Variants in CHN2 observed in about 807,000 individuals in gnomAD.
CHN2 encodes beta-chimaerin.
A neutral mutation model predicts 56.3 loss-of-function variants in CHN2; 35 were observed. The observed-to-expected ratio is 0.62, with a 90% CI of 0.47 to 0.82. CHN2 has a LOEUF of 0.82. Among genes scored for constraint, CHN2 ranks in the 40% least tolerant of loss-of-function variants. The probability of loss-of-function intolerance (pLI) is 0.00; values close to 1 mark genes in which losing one functional copy is unlikely to be tolerated. For missense variants in CHN2, 491 were observed against 580.5 expected, an observed-to-expected ratio of 0.85 and a Z score of 1.58; for synonymous variants, 210 against 212.8, an observed-to-expected ratio of 0.99 and a Z score of 0.12.
At chr7:29,428,887 C>G (rs969559467) in intron 6 of CHN2, among the ~76,000 whole-genome samples, 1 of 152,086 alleles carries the variant, frequency 6.6e-6, no homozygotes, top group Non-Finnish European at 1.5e-5. Context: ...GGTTCTGAGA[C>G]CAGAGTTGAA....
intron 1 of CHN2, among the ~76,000 whole-genome samples, chr7:29,329,060 A>G (rs975764538): frequency 2.0e-5 from 3 of 152,138 alleles, no homozygotes; most frequent in Non-Finnish European, 4.4e-5. Context: ...GCAGTTTCAC[A>G]ACTGTCTGGG....
intron 1 of CHN2, chr7:29,334,571 A>G (rs1347824770): frequency 1.3e-5 from 2 of 152,254 alleles, no homozygotes; most frequent in African/African-American, 2.4e-5. Flanking sequence ...CCTGGGCAAC[A>G]TGGTAAGACC....
chr7:29,341,517 C>A (rs1306163566), intron 1 of CHN2, among the ~76,000 whole-genome samples: 1 of 151,448 alleles, frequency 6.6e-6, no homozygotes, highest in African/African-American at 2.4e-5. Context: ...ACAATGAAAT[C>A]TGGGGAAGAG....
rs375120538 is a variant in CHN2, at chr7:29,482,797, C to CTTTTTTTTTTTTTTTTTTTTTTTT, written c.654+2460_654+2483dup. On this transcript the variant is annotated intron_variant, in intron 7 of 12. Transcript: ENST00000222792. Reference sequence around the variant, plus strand: ...TGCTAGGTGCTGTCTGCACTTTTTTCTTTTTTTTTTTTTTTTTTTTTTTTT... The same window carrying CTTTTTTTTTTTTTTTTTTTTTTTT: ...TGCTAGGTGCTGTCTGCACTTTTTTCTTTTTTTTTTTTTTTTTTTTTTTTTTTTTTTTTTTTTTTTTTTTTTTTT... 6.2e-5 allele frequency among the ~76,000 whole-genome samples: 4 copies of CTTTTTTTTTTTTTTTTTTTTTTTT among 64,206 alleles called. 1 individual carries two copies. The highest frequency in any genetic ancestry group is 4.6e-4 in the Admixed American group (2 of 4,316). The allele number at this position is 64,206 out of a possible 152,430, so 42.1% of individuals were successfully genotyped here. A position where few individuals can be genotyped will look rare whatever the true frequency, so the allele number is the denominator to read the frequency against.
chr7:29,359,588 T>A (rs1798574150), intron 2 of CHN2, among the ~76,000 whole-genome samples: 1 of 152,202 alleles, frequency 6.6e-6, no homozygotes. Context: ...CATGGCTTAC[T>A]GAGCTGTTTC....
At chr7:29,199,539 A>G (rs1262010693) in intron 1 of CHN2, 1 of 152,214 alleles carries the variant, frequency 6.6e-6, no homozygotes, top group Non-Finnish European at 1.5e-5. Flanking sequence ...ACAAATTGTG[A>G]TTTAAAATAT....
At chr7:29,275,062 G>C (rs552520706) in intron 1 of CHN2, among the ~76,000 whole-genome samples, 66 of 152,286 alleles carry the variant, frequency 4.3e-4, no homozygotes, top group Non-Finnish European at 5.3e-4. Flanking sequence ...TAGAAAGCCA[G>C]CATTCTCTCT....
At chr7:29,288,076 TTAAAA>T (rs1792300863) in intron 1 of CHN2, among the ~76,000 whole-genome samples, 1 of 152,032 alleles carries the variant, frequency 6.6e-6, no homozygotes, top group African/African-American at 2.4e-5. Flanking sequence ...CTATGAAAAA[TTAAAA>T]TAAATATATT....
Position 29,374,391 on chromosome 7 carries a change from C to CT in CHN2, c.144+6413dup, listed in dbSNP as rs757437529. On this transcript the variant is annotated intron_variant, in intron 3 of 12. Transcript: ENST00000222792. Reference sequence around the variant, plus strand: ...TAAAGATAGAACCAAATGTTTTCTGCTTTTTTTTTAAAAACAAAAAACTTT... The same window carrying CT: ...TAAAGATAGAACCAAATGTTTTCTGCTTTTTTTTTTAAAAACAAAAAACTTT... 7.3e-4 allele frequency among the ~76,000 whole-genome samples: 111 copies of CT among 151,278 alleles called. 3 individuals carry two copies. The South Asian group carries it at 9.7e-3, about 13-fold the overall frequency.
chr7:29,420,858 G>A (rs564422386), intron 6 of CHN2, among the ~76,000 whole-genome samples: 1 of 148,724 alleles, frequency 6.7e-6, no homozygotes, highest in East Asian at 2.0e-4. Flanking sequence ...TGCCCAGGCT[G>A]GGGTACAGTG....
intron 2 of CHN2, among the ~76,000 whole-genome samples, chr7:29,159,266 C>T (rs1794850884): frequency 6.6e-6 from 1 of 152,146 alleles, no homozygotes; most frequent in Non-Finnish European, 1.5e-5. Flanking sequence ...AAACTGAGCA[C>T]AGAAGAGGTC....
At chr7:29,288,470 G>T (rs1394841361) in intron 1 of CHN2, among the ~76,000 whole-genome samples, 2 of 152,226 alleles carry the variant, frequency 1.3e-5, no homozygotes, top group East Asian at 3.9e-4. Context: ...ATATTTTAGG[G>T]TTACTCCCAT....
intron 1 of CHN2, among the ~76,000 whole-genome samples, chr7:29,326,445 T>C (rs1002347171): frequency 9.2e-5 from 14 of 152,186 alleles, no homozygotes; most frequent in African/African-American, 3.4e-4. Context: ...TGTCAGCCAC[T>C]GCGCCTGGCC....
chr7:29,234,725 G>A (rs533105585), intron 1 of CHN2, among the ~76,000 whole-genome samples: 26 of 152,186 alleles, frequency 1.7e-4, no homozygotes, highest in East Asian at 1.2e-3. Context: ...GTCATGTCCC[G>A]TCACATGAGC....
intron 6 of CHN2, among the ~76,000 whole-genome samples, chr7:29,448,183 A>G (rs1047336862): frequency 6.6e-6 from 1 of 151,930 alleles, no homozygotes; most frequent in African/African-American, 2.4e-5. Flanking sequence ...TAGTCTTTCC[A>G]CTTATAGGTA....
At chr7:29,468,735 A>G (rs563258194) in intron 6 of CHN2, among the ~76,000 whole-genome samples, 1 of 152,178 alleles carries the variant, frequency 6.6e-6, no homozygotes, top group East Asian at 1.9e-4. Context: ...CAAGATGATC[A>G]CTTACTTTCA....
At chr7:29,406,007 A>G (rs1250254341) in intron 6 of CHN2, among the ~76,000 whole-genome samples, 1 of 152,120 alleles carries the variant, frequency 6.6e-6, no homozygotes, top group Non-Finnish European at 1.5e-5. Context: ...GCCTGTCCCG[A>G]GTGGTTCTCC....
intron 1 of CHN2, among the ~76,000 whole-genome samples, chr7:29,276,038 T>TC (rs1791178312): frequency 6.8e-6 from 1 of 146,348 alleles, no homozygotes; most frequent in Admixed American, 7.2e-5. Context: ...CTGCACATGT[T>TC]CCCCCGAATC....
At chr7:29,431,974 T>C (rs1782887889) in intron 6 of CHN2, among the ~76,000 whole-genome samples, 1 of 152,226 alleles carries the variant, frequency 6.6e-6, no homozygotes, top group Admixed American at 6.5e-5. Context: ...AGCCTTGGGA[T>C]CTCACCCTAA....
Sources: gnomAD v4.1 joint callset for allele counts (sites outside exome capture counted in the v4.1 genomes callset) on GRCh38, gnomAD v4.1.1 for gene constraint, MANE v1.5 for transcripts, NCBI Gene and HGNC (gene_info 2026-07-23, HGNC 2026-07-21) for gene names.